The following PDE5A variants were observed in gnomAD, a reference collection of about 807,000 sequenced individuals.
The protein encoded by PDE5A is phosphodiesterase 5A.
Under a neutral mutation model 110.2 loss-of-function variants are expected in PDE5A, and 67 were observed. The ratio of observed to expected loss-of-function variants is 0.61; its 90% CI spans 0.50 to 0.75. The LOEUF (loss-of-function observed/expected upper bound fraction) is 0.75. Ranked by LOEUF, PDE5A falls within the 30% of genes least tolerant of loss-of-function variation. PDE5A has a pLI of 0.00. For missense variants in PDE5A, 862 were observed against 1,045.1 expected (o/e 0.82, Z 2.42); for synonymous variants, 328 against 351.2 (o/e 0.93, Z 0.74).
chr4:119,556,966 G>A (rs1020935812), intron 7 of PDE5A, among the ~76,000 whole-genome samples: 1 of 152,130 alleles, frequency 6.6e-6, no homozygotes, highest in Non-Finnish European at 1.5e-5. Flanking sequence ...TTCTTTTACT[G>A]ATGGGAATAT....
intron 6 of PDE5A, among the ~76,000 whole-genome samples, chr4:119,560,698 C>T (rs1316172158): frequency 2.0e-5 from 3 of 152,070 alleles, no homozygotes; most frequent in South Asian, 2.1e-4. Flanking sequence ...TGGCTTTTAA[C>T]GCTTAAGTAC....
At chr4:119,505,829 G>A (rs371186646) in intron 17 of PDE5A, 26 bp downstream of exon 17, 6 of 1,345,842 alleles carry the variant, frequency 4.5e-6, no homozygotes, top group Non-Finnish European at 6.2e-6. Context: ...AAAAACTTCA[G>A]CTTTAAAGAT....
intron 3 of PDE5A, among the ~76,000 whole-genome samples, chr4:119,591,319 G>A (rs925253268): frequency 3.9e-5 from 6 of 152,170 alleles, no homozygotes; most frequent in African/African-American, 1.4e-4. Context: ...TCACTCACAT[G>A]AATGCATTTA....
chr4:119,604,889 C>T (rs1359941875), intron 2 of PDE5A, among the ~76,000 whole-genome samples: 1 of 152,124 alleles, frequency 6.6e-6, no homozygotes, highest in African/African-American at 2.4e-5. Flanking sequence ...TTTGCACCAA[C>T]CTAATACTTC....
At chr4:119,581,497 A>G (rs1414368201) in intron 3 of PDE5A, among the ~76,000 whole-genome samples, 2 of 152,218 alleles carry the variant, frequency 1.3e-5, no homozygotes, top group African/African-American at 2.4e-5. Flanking sequence ...TATGGAGAAC[A>G]TAGTTTATTA....
rs541001773 is a variant in PDE5A, at chr4:119,598,861, A to G, written c.742-2249T>C. On this transcript the variant is annotated intron_variant, in intron 2 of 20. Coordinates refer to ENST00000354960, the MANE Select transcript of PDE5A (RefSeq NM_001083.4). ...CTGGGGGGTTGGAAGGAAGATGGTT[A>G]GGAAGCAGTGACCAAAAGATACTGA... is the stretch of plus-strand genomic sequence containing the variant. 2.5e-3 allele frequency among the ~76,000 whole-genome samples: 378 copies of G among 152,322 alleles called. 1 individual carries two copies. The highest frequency in any genetic ancestry group is 3.9e-3 in the Non-Finnish European group (263 of 68,022).
At chr4:119,594,279 A>T (rs573271864) in intron 3 of PDE5A, among the ~76,000 whole-genome samples, 14 of 152,152 alleles carry the variant, frequency 9.2e-5, no homozygotes, top group Non-Finnish European at 1.9e-4. Flanking sequence ...AGTTCCCCCA[A>T]TCCTGACTGT....
rs182973853 is a variant in PDE5A at position 119,579,521 on chromosome 4, G to A, written c.832-12377C>T. 1.2e-3 allele frequency among the ~76,000 whole-genome samples: 177 copies of A among 152,050 alleles called. 1 individual carries two copies. Among genetic ancestry groups the A allele is most frequent in the African/African-American group, 3.8e-3 (156 of 41,502 alleles). The stretch of plus-strand genomic sequence containing the variant: ...ATACTATGCAGCCATACAAAATGAT[G>A]AGTTCATGTCCTTTGTAGGGACATG... On this transcript the variant is annotated intron_variant, in intron 3 of 20. Coordinates refer to ENST00000354960, the MANE Select transcript of PDE5A (RefSeq NM_001083.4).
At chr4:119,505,560 CAATGAATTAGGAA>C (rs1725522271) in intron 17 of PDE5A, among the ~76,000 whole-genome samples, 1 of 151,816 alleles carries the variant, frequency 6.6e-6, no homozygotes, top group African/African-American at 2.4e-5. Context: ...ACTTCCATTA[CAATGAATTAGGAA>C]AATGAATAAG....
chr4:119,567,152 A>G lies in PDE5A; in HGVS notation c.832-8T>C, dbSNP rs1377623484. On this transcript the variant is annotated splice_region_variant and splice_polypyrimidine_tract_variant and intron_variant, in intron 3 of 20. Coordinates refer to ENST00000354960, the MANE Select transcript of PDE5A (RefSeq NM_001083.4). ...CTGGGCTACACCAACAACCTGGTAT[A>G]AGGAGAGAAAAGCGACAATTTTTTT... 1 of 1,602,742 alleles carries G rather than the reference A, an allele frequency of 6.2e-7. No individual in the cohort carries two copies. Among genetic ancestry groups the G allele is most frequent in the Non-Finnish European group, 8.5e-7 (1 of 1,172,626 alleles).
chr4:119,540,333 T>G (rs1330710265), intron 10 of PDE5A, among the ~76,000 whole-genome samples: 1 of 152,188 alleles, frequency 6.6e-6, no homozygotes, highest in Non-Finnish European at 1.5e-5. Context: ...TGTACTATCT[T>G]ATGATTTAGA....
rs200712818 is a variant in PDE5A, at chr4:119,627,978, A to G, written c.152+542T>C. 2.2e-4 allele frequency: 208 copies of G among 934,046 alleles called. No homozygotes were observed. Among genetic ancestry groups the G allele is most frequent in the Non-Finnish European group, 2.4e-4 (186 of 782,894 alleles). 57.9% of individuals were successfully genotyped at this position (934,046 alleles called of 1,614,324 possible). A position where few individuals can be genotyped will look rare whatever the true frequency, so the allele number is the denominator to read the frequency against. On this transcript the variant is annotated intron_variant, in intron 1 of 20. Coordinates refer to ENST00000354960, the MANE Select transcript of PDE5A (RefSeq NM_001083.4). This position sits in a 1 kb window ranked among gnomAD's most constrained non-coding sequence, Gnocchi z 4.6. ...CAAGCAGGAGACTGGAAGGGGGGAA[A>G]AGGCAACCGCACTCACTTTGGCAAG... is the stretch of plus-strand genomic sequence containing the variant.
chr4:119,517,606 C>CT (rs35519053), intron 14 of PDE5A, among the ~76,000 whole-genome samples: 7,212 of 126,632 alleles, frequency 0.057, 210 homozygotes, highest in African/African-American at 0.09. Context: ...CTTTTTCTTT[C>CT]TTTTTTTTTT....
rs201567756 is a variant in PDE5A, at chr4:119,519,065, C to G, written c.1980G>C (p.Val660=). Reference sequence around the variant, plus strand: ...CTTACCGCTGTATGTAAGAGTTATTCACACCACGGTGATCCAAATCGTGGC... The same window carrying G: ...CTTACCGCTGTATGTAAGAGTTATTGACACCACGGTGATCCAAATCGTGGC... ...ALSHDLDHRG[V]NNSYIQRSEH... is the part of the protein sequence containing the mutation. Residue 660 remains valine (V), a synonymous_variant, in exon 14 of 21, where the codon GTG becomes GTC. Transcript: ENST00000354960. 3.7e-5 allele frequency: 60 copies of G among 1,612,772 alleles called. No individual in the cohort carries two copies. The highest frequency in any genetic ancestry group is 1.6e-4 in the Middle Eastern group (1 of 6,082).
At position 119,520,935 on chromosome 4, in the gene PDE5A, C is replaced by A. The variant is rs1165724179; in HGVS notation, c.1905G>T (p.Gln635His). 1 of 1,605,912 alleles carries A rather than the reference C, an allele frequency of 6.2e-7. No individual in the cohort carries two copies. Among genetic ancestry groups the A allele is most frequent in the South Asian group, 1.1e-5 (1 of 89,412 alleles). Residue 635 changes from glutamine (Q) to histidine (H), a missense_variant and splice_region_variant, in exon 13 of 21, where the codon CAG becomes CAT. Coordinates refer to ENST00000354960, the MANE Select transcript of PDE5A (RefSeq NM_001083.4). ...MFAALKAGKI[Q>H]NKLTDLEILA... ...ATATATGAATGGCTCTAAAAAGTAC[C>A]TGAATTTTGCCTGCTTTTAGAGCAG...
At chr4:119,609,724 T>C (rs540322243) in intron 1 of PDE5A, among the ~76,000 whole-genome samples, 2 of 152,142 alleles carry the variant, frequency 1.3e-5, no homozygotes, top group Admixed American at 6.5e-5. Flanking sequence ...ATGGTGACTA[T>C]AGTTAATAAT....
At chr4:119,508,726 ATACT>A (rs34830431) in intron 15 of PDE5A, among the ~76,000 whole-genome samples, 39,746 of 151,768 alleles carry the variant, frequency 0.26, 5,304 homozygotes, top group East Asian at 0.38. Context: ...ATACCTTCTG[ATACT>A]TACTTTAAGA....
At chr4:119,592,022 C>T (rs1228044064) in intron 3 of PDE5A, among the ~76,000 whole-genome samples, 23 of 151,286 alleles carry the variant, frequency 1.5e-4, no homozygotes, top group African/African-American at 3.6e-4. Flanking sequence ...TGGTGGCGCA[C>T]GCCTGTAGTC....
intron 2 of PDE5A, among the ~76,000 whole-genome samples, chr4:119,601,536 C>A (rs1169080147): frequency 6.7e-6 from 1 of 150,284 alleles, no homozygotes; most frequent in African/African-American, 2.4e-5. Flanking sequence ...AAACTGTAAT[C>A]ATAAGTGTAG....
Sources: allele counts gnomAD v4.1 joint callset (sites outside exome capture counted in the v4.1 genomes callset), GRCh38; gene constraint gnomAD v4.1.1; non-coding constraint Gnocchi (gnomAD v3.1); transcripts MANE v1.5; gene names NCBI Gene and HGNC (gene_info 2026-07-23, HGNC 2026-07-21).